Variants in NRBF2 observed in about 807,000 individuals in gnomAD.
The protein encoded by NRBF2 is nuclear receptor-binding factor 2.
In NRBF2, 12 loss-of-function variants were observed where a neutral mutation model predicts 28.5. The ratio of observed to expected loss-of-function variants is 0.42; its 90% CI spans 0.27 to 0.68. The LOEUF (loss-of-function observed/expected upper bound fraction) is 0.68, where lower values mean the gene tolerates loss of function less well. NRBF2 is among the 30% of genes least tolerant of loss of function. The pLI, the probability that NRBF2 is intolerant of heterozygous loss-of-function variation, is 0.24. For synonymous variants in NRBF2, 102 were observed against 116.5 expected (o/e 0.88, Z 0.80); for missense variants, 274 against 333.5 (o/e 0.82, Z 1.39).
intron 3 of NRBF2, 86 bp downstream of exon 3, chr10:63,152,276 T>A: frequency 9.9e-7 from 1 of 1,006,180 alleles, no homozygotes; most frequent in Non-Finnish European, 1.5e-6. Flanking sequence ...AAGCATTGTG[T>A]CCCTCTCAAA....
At chr10:63,134,816 C>A (rs962797773) in intron 1 of NRBF2, among the ~76,000 whole-genome samples, 2 of 152,208 alleles carry the variant, frequency 1.3e-5, no homozygotes, top group African/African-American at 4.8e-5. Flanking sequence ...GGCGCCCCTC[C>A]CTTTTAAGTT....
chr10:63,142,815 C>T (rs1393396010), intron 1 of NRBF2, among the ~76,000 whole-genome samples: 3 of 77,454 alleles, frequency 3.9e-5, no homozygotes, highest in Admixed American at 1.9e-4. Flanking sequence ...CTGTCTTGCT[C>T]TCTTGCCCAG....
chr10:63,144,632 G>A (rs556639685), intron 1 of NRBF2, among the ~76,000 whole-genome samples: 1 of 152,032 alleles, frequency 6.6e-6, no homozygotes, highest in East Asian at 1.9e-4. Context: ...TAGCCAAGAT[G>A]GTCTCGATCT....
chr10:63,149,826 C>G (rs1193449902), intron 2 of NRBF2, among the ~76,000 whole-genome samples: 3 of 152,040 alleles, frequency 2.0e-5, no homozygotes, highest in Non-Finnish European at 4.4e-5. Flanking sequence ...GGATTTAAAG[C>G]AAACTATAGT....
chr10:63,143,379 A>C (rs1841504810), intron 1 of NRBF2, among the ~76,000 whole-genome samples: 1 of 152,202 alleles, frequency 6.6e-6, no homozygotes, highest in South Asian at 2.1e-4. Context: ...TGATTCTGTG[A>C]AGTACTTTTA....
At chr10:63,153,093 A>G (rs1191206619) in intron 3 of NRBF2, among the ~76,000 whole-genome samples, 1 of 152,224 alleles carries the variant, frequency 6.6e-6, no homozygotes. Context: ...AGGGAAAGCC[A>G]CTAGTTTCTC....
chr10:63,136,313 T>A (rs1025116846), intron 1 of NRBF2, among the ~76,000 whole-genome samples: 2 of 152,046 alleles, frequency 1.3e-5, no homozygotes, highest in Admixed American at 1.3e-4. Context: ...ATTCTGACAT[T>A]CTTTTATGTC....
intron 1 of NRBF2, among the ~76,000 whole-genome samples, chr10:63,136,124 C>CTTTTTTTTTTTTTTTTT (rs11334549): frequency 2.4e-5 from 3 of 125,006 alleles, no homozygotes; most frequent in Non-Finnish European, 1.8e-5. Context: ...AAAATTCAGA[C>CTTTTTTTTTTTTTTTTT]TTTTTTTTTT....
intron 1 of NRBF2, among the ~76,000 whole-genome samples, chr10:63,140,677 G>A (rs1423715890): frequency 6.6e-6 from 1 of 151,456 alleles, no homozygotes; most frequent in Non-Finnish European, 1.5e-5. Flanking sequence ...TGGGATTATA[G>A]GCATGAACCT....
chr10:63,146,328 G>A (rs1407107103), intron 2 of NRBF2, 35 bp downstream of exon 2: 4 of 1,445,520 alleles, frequency 2.8e-6, no homozygotes, highest in Non-Finnish European at 3.8e-6. Context: ...GTGTAAAACT[G>A]AAGAGCAGAA....
intron 2 of NRBF2, among the ~76,000 whole-genome samples, chr10:63,150,051 C>T (rs538225113): frequency 6.6e-6 from 1 of 151,722 alleles, no homozygotes; most frequent in Admixed American, 6.6e-5. Context: ...AAGCGATTCT[C>T]CTGCCTCAGC....
At chr10:63,143,651 C>CA (rs1443098820) in intron 1 of NRBF2, among the ~76,000 whole-genome samples, 2 of 151,892 alleles carry the variant, frequency 1.3e-5, no homozygotes, top group African/African-American at 4.8e-5. Flanking sequence ...GGGGTTTCAC[C>CA]ATGTTAGCCA....
At chr10:63,147,821 TGCTGTAGG>T (rs11278263) in intron 2 of NRBF2, among the ~76,000 whole-genome samples, 64,479 of 151,254 alleles carry the variant, frequency 0.43, 14,299 homozygotes, top group South Asian at 0.53. Flanking sequence ...TGGAGTTATC[TGCTGTAGG>T]GCCAAGCATA....
chr10:63,145,101 C>CTTTTTTTT (rs34823556), intron 1 of NRBF2, among the ~76,000 whole-genome samples: 12 of 85,902 alleles, frequency 1.4e-4, no homozygotes, highest in South Asian at 4.1e-4. Context: ...TATATTAAAG[C>CTTTTTTTT]TTTTTTTTTT....
intron 1 of NRBF2, among the ~76,000 whole-genome samples, chr10:63,143,333 A>G (rs1185587592): frequency 1.3e-5 from 2 of 152,208 alleles, no homozygotes; most frequent in African/African-American, 4.8e-5. Context: ...TGATTTGTAA[A>G]CATGCCCAGA....
chr10:63,148,762 G>A (rs1451127980), intron 2 of NRBF2, among the ~76,000 whole-genome samples: 1 of 152,180 alleles, frequency 6.6e-6, no homozygotes, highest in Non-Finnish European at 1.5e-5. Flanking sequence ...GTGGACAATG[G>A]CTGAATTAAA....
At chr10:63,152,281 C>T (rs1841663086) in intron 3 of NRBF2, 91 bp downstream of exon 3, 4 of 928,606 alleles carry the variant, frequency 4.3e-6, no homozygotes, top group South Asian at 2.9e-5. Context: ...TTGTGTCCCT[C>T]TCAAAATGCT....
At position 63,145,160 on chromosome 10, in the gene NRBF2, AGCAATGGCATGATCTT is replaced by A. The variant is rs1189148525; in HGVS notation, c.31-1046_31-1031del. On this transcript the variant is annotated intron_variant, in intron 1 of 3. Transcript: ENST00000277746. ...TTCACTGTTTTCACCCAGGCTGGAG[AGCAATGGCATGATCTT>A]GCCTCATTGCAACCTCTGCCTCCCA... Among the ~76,000 whole-genome samples the A allele has an allele frequency of 7.9e-5, 10 of 126,914 alleles. No homozygotes were observed. The Admixed American group carries it at 9.9e-4, about 13-fold the overall frequency. The allele number at this position is 126,914 out of a possible 152,430, so 83.3% of individuals were successfully genotyped here. A position where few individuals can be genotyped will look rare whatever the true frequency, so the allele number is the denominator to read the frequency against.
At chr10:63,140,620 C>G (rs1841448674) in intron 1 of NRBF2, among the ~76,000 whole-genome samples, 1 of 151,792 alleles carries the variant, frequency 6.6e-6, no homozygotes, top group African/African-American at 2.4e-5. Context: ...CACTATGTTG[C>G]CTATGCTGGT....
Sources: gnomAD v4.1 joint callset for allele counts (sites outside exome capture counted in the v4.1 genomes callset) on GRCh38, gnomAD v4.1.1 for gene constraint, MANE v1.5 for transcripts, NCBI Gene and HGNC (gene_info 2026-07-23, HGNC 2026-07-21) for gene names.